Variants in ADAMTS12 observed in about 807,000 individuals in gnomAD.
ADAMTS12 encodes A disintegrin and metalloproteinase with thrombospondin motifs 12.
A neutral mutation model predicts 167.8 loss-of-function variants in ADAMTS12; 118 were observed. The ratio of observed to expected loss-of-function variants is 0.70; its 90% CI spans 0.61 to 0.82. ADAMTS12 has a LOEUF of 0.82. Ranked by LOEUF, ADAMTS12 falls within the 40% of genes least tolerant of loss-of-function variation. The pLI is 0.00. For synonymous variants in ADAMTS12, 704 were observed against 716.9 expected (o/e 0.98, Z 0.29); for missense variants, 1,916 against 1,998.8 (o/e 0.96, Z 0.79).
intron 18 of ADAMTS12, among the ~76,000 whole-genome samples, chr5:33,587,749 A>C (rs576884062): frequency 7.2e-5 from 11 of 152,324 alleles, no homozygotes; most frequent in Admixed American, 7.2e-4. Flanking sequence ...CAGTGGTAGC[A>C]TTATCATGGA....
chr5:33,788,209 T>G (rs16891720), intron 2 of ADAMTS12, among the ~76,000 whole-genome samples: 2,315 of 152,274 alleles, frequency 0.015, 89 homozygotes, highest in East Asian at 0.14. Flanking sequence ...TTTCAAACCA[T>G]GAAATAATGT....
chr5:33,537,880 G>A (rs1029175712), intron 22 of ADAMTS12, among the ~76,000 whole-genome samples: 6 of 152,162 alleles, frequency 3.9e-5, no homozygotes, highest in Non-Finnish European at 7.3e-5. Flanking sequence ...CTGCATTCCC[G>A]TGTGTGTTAT....
At chr5:33,861,469 A>T (rs2111693683) in intron 2 of ADAMTS12, among the ~76,000 whole-genome samples, 1 of 152,340 alleles carries the variant, frequency 6.6e-6, no homozygotes, top group South Asian at 2.1e-4. Context: ...ATGCAACAAG[A>T]ACAGCTAACT....
intron 2 of ADAMTS12, among the ~76,000 whole-genome samples, chr5:33,864,756 G>T (rs547408449): frequency 1.6e-4 from 24 of 152,038 alleles, no homozygotes; most frequent in Admixed American, 1.6e-3. Flanking sequence ...ACCAAACACC[G>T]CATGTTCTCA....
intron 5 of ADAMTS12, among the ~76,000 whole-genome samples, chr5:33,667,029 T>G (rs1288725276): frequency 2.6e-5 from 4 of 152,214 alleles, no homozygotes; most frequent in African/African-American, 9.6e-5. Context: ...GATTAACTCC[T>G]GTCTACTGCT....
chr5:33,598,354 G>T (rs1209960344), intron 16 of ADAMTS12, among the ~76,000 whole-genome samples: 1 of 152,068 alleles, frequency 6.6e-6, no homozygotes, highest in Non-Finnish European at 1.5e-5. Flanking sequence ...TGTTCATTTG[G>T]TAAAATTTAA....
chr5:33,653,657 G>A (rs1201485933), intron 7 of ADAMTS12, among the ~76,000 whole-genome samples: 1 of 152,022 alleles, frequency 6.6e-6, no homozygotes. Flanking sequence ...TGTTTCTGAT[G>A]AGAAATCCAC....
intron 5 of ADAMTS12, among the ~76,000 whole-genome samples, chr5:33,662,957 T>C (rs1439424904): frequency 1.3e-5 from 2 of 152,194 alleles, no homozygotes; most frequent in Non-Finnish European, 2.9e-5. Context: ...GTCCAAGAAC[T>C]TCAGGACAGT....
chr5:33,526,604 A>C lies in ADAMTS12; in HGVS notation c.*584T>G, dbSNP rs1313355327. The C allele has an allele frequency of 1.3e-5, 2 of 152,798 alleles. No individual in the cohort carries two copies. Among genetic ancestry groups the C allele is most frequent in the Non-Finnish European group, 2.9e-5 (2 of 68,598 alleles). 9.5% of individuals were successfully genotyped at this position (152,798 alleles called of 1,614,324 possible). On this transcript the variant is annotated 3_prime_UTR_variant, in exon 24 of 24. Coordinates refer to ENST00000504830, the MANE Select transcript of ADAMTS12 (RefSeq NM_030955.4). ...AGCCCAGATATGGAGCCCTACAGGG[A>C]TGGAGGAAGAGACTGAGGGATGTAA...
chr5:33,693,076 A>G (rs1742611624), intron 3 of ADAMTS12, among the ~76,000 whole-genome samples: 2 of 152,226 alleles, frequency 1.3e-5, no homozygotes, highest in Admixed American at 6.5e-5. Context: ...GTTAGTCGGA[A>G]GCCTGCAATT....
intron 19 of ADAMTS12, among the ~76,000 whole-genome samples, chr5:33,569,744 G>T (rs1386245082): frequency 1.3e-5 from 2 of 152,244 alleles, no homozygotes; most frequent in East Asian, 1.9e-4. Context: ...AAGCTGGATG[G>T]AGAATGATTT....
intron 5 of ADAMTS12, among the ~76,000 whole-genome samples, chr5:33,671,133 C>A (rs1187901558): frequency 6.6e-6 from 1 of 152,056 alleles, no homozygotes; most frequent in Non-Finnish European, 1.5e-5. Context: ...TATCACAGAG[C>A]AGATTAGTGC....
chr5:33,598,197 A>G (rs10075345), intron 16 of ADAMTS12, among the ~76,000 whole-genome samples: 75,068 of 151,842 alleles, frequency 0.49, 18,925 homozygotes, highest in South Asian at 0.62. Flanking sequence ...CTCTTCTCTC[A>G]GCAACTGCAT....
intron 1 of ADAMTS12, among the ~76,000 whole-genome samples, chr5:33,884,852 T>C (rs78948470): frequency 0.013 from 1,967 of 152,326 alleles, 37 homozygotes; most frequent in African/African-American, 0.046. Context: ...AGTTTCTGCA[T>C]CTCCATCAAA....
intron 9 of ADAMTS12, 152 bp downstream of exon 9, chr5:33,648,670 A>G: frequency 1.0e-6 from 1 of 971,404 alleles, no homozygotes; most frequent in Non-Finnish European, 1.5e-6. Flanking sequence ...TTCCAGCTTA[A>G]TTGTTTTCCC....
At chr5:33,826,551 G>C (rs970535326) in intron 2 of ADAMTS12, among the ~76,000 whole-genome samples, 3 of 146,388 alleles carry the variant, frequency 2.0e-5, no homozygotes, top group Non-Finnish European at 3.0e-5. Context: ...TTTGAAAACA[G>C]AAATATGTTT....
chr5:33,691,632 A>G (rs1407913338), intron 3 of ADAMTS12, among the ~76,000 whole-genome samples: 1 of 152,202 alleles, frequency 6.6e-6, no homozygotes, highest in East Asian at 1.9e-4. Context: ...GTTACCTTCT[A>G]TCTGTGGAAA....
At chr5:33,598,960 C>T (rs1738051980) in intron 16 of ADAMTS12, among the ~76,000 whole-genome samples, 1 of 152,214 alleles carries the variant, frequency 6.6e-6, no homozygotes, top group Admixed American at 6.5e-5. Context: ...GACACTCCAG[C>T]TACCACAGTG....
Position 33,561,142 on chromosome 5 carries a change from C to T in ADAMTS12, c.4010G>A (p.Arg1337Lys). The T allele has an allele frequency of 2.5e-6, 4 of 1,614,132 alleles. No individual in the cohort carries two copies. The highest frequency in any genetic ancestry group is 3.4e-6 in the Non-Finnish European group (4 of 1,180,010). Residue 1337 changes from arginine (R) to lysine (K), a missense_variant, in exon 20 of 24, where the codon AGG becomes AAG. Transcript: ENST00000504830. Reference sequence around the variant, plus strand: ...ATCCATCTGGGTGCTGCACTCCACCCTTCTCCAGTAGGCCCCCAGGCCACA... The same window carrying T: ...ATCCATCTGGGTGCTGCACTCCACCTTTCTCCAGTAGGCCCCCAGGCCACA... ...TTCGLGAYWR[R>K]VECSTQMDSD...
Sources: gnomAD v4.1 joint callset for allele counts (sites outside exome capture counted in the v4.1 genomes callset) on GRCh38, gnomAD v4.1.1 for gene constraint, MANE v1.5 for transcripts, NCBI Gene and HGNC (gene_info 2026-07-23, HGNC 2026-07-21) for gene names.